Variants in PDE1C observed in about 807,000 individuals in gnomAD.
PDE1C encodes phosphodiesterase 1C, also known as dual specificity calcium/calmodulin-dependent 3',5'-cyclic nucleotide phosphodiesterase 1C.
Under a neutral mutation model 93.1 loss-of-function variants are expected in PDE1C, and 62 were observed. That is an observed-to-expected ratio of 0.67 (90% CI 0.54 to 0.82). The LOEUF (loss-of-function observed/expected upper bound fraction) is 0.82, where lower values mean the gene tolerates loss of function less well. PDE1C is among the 40% of genes least tolerant of loss of function. PDE1C has a pLI of 0.00. For missense variants in PDE1C, 742 were observed against 884.6 expected (o/e 0.84, Z 2.04); for synonymous variants, 325 against 310.1 (o/e 1.05, Z -0.50).
intron 1 of PDE1C, among the ~76,000 whole-genome samples, chr7:32,374,259 G>GAAAGAAAT (rs1784390514): frequency 1.1e-5 from 1 of 94,346 alleles, no homozygotes; most frequent in East Asian, 2.8e-4. Context: ...AGGAAAGGAA[G>GAAAGAAAT]AAAGAAAGAA....
At chr7:31,636,863 T>C in the PDE1C span, among the ~76,000 whole-genome samples, 2 of 145,396 alleles carry the variant, frequency 1.4e-5, no homozygotes, top group African/African-American at 2.5e-5. Context: ...TATCTCCTAA[T>C]GCTATCCCTC....
At chr7:32,177,410 A>G (rs1005143873) in intron 2 of PDE1C, among the ~76,000 whole-genome samples, 1 of 152,156 alleles carries the variant, frequency 6.6e-6, no homozygotes, top group African/African-American at 2.4e-5. Context: ...CCCTATGCGC[A>G]TATGCCAGAC....
Position 32,298,038 on chromosome 7 carries a change from CT to C in PDE1C, c.85+612del, listed in dbSNP as rs1308339150. On this transcript the variant is annotated intron_variant, in intron 1 of 18. Coordinates refer to the PDE1C transcript ENST00000396193. The stretch of plus-strand genomic sequence containing the variant: ...TCTCCCTCTCTCTCTCTCTCTCTCT[CT>C]CTCTCTCTCTCTCTCTCTCTCTCTC... 2.8e-3 allele frequency among the ~76,000 whole-genome samples: 199 copies of C among 70,234 alleles called. 11 individuals carry two copies. The highest frequency in any genetic ancestry group is 6.5e-3 in the South Asian group (9 of 1,382). 46.1% of individuals were successfully genotyped at this position (70,234 alleles called of 152,430 possible).
chr7:32,268,925 A>G (rs1481655096), intron 1 of PDE1C, among the ~76,000 whole-genome samples: 1 of 152,188 alleles, frequency 6.6e-6, no homozygotes, highest in African/African-American at 2.4e-5. Context: ...TATTACCAGA[A>G]TAACTGATAA....
intron 2 of PDE1C, among the ~76,000 whole-genome samples, chr7:32,173,411 C>A (rs185837198): frequency 1.0e-3 from 154 of 151,926 alleles, no homozygotes; most frequent in East Asian, 4.7e-3. Context: ...ATATGTGCAG[C>A]AAACCACCAT....
At chr7:32,122,812 A>C (rs1361616418) in intron 3 of PDE1C, among the ~76,000 whole-genome samples, 1 of 152,340 alleles carries the variant, frequency 6.6e-6, no homozygotes, top group African/African-American at 2.4e-5. Context: ...GAGCTAGAGA[A>C]GCAAGAGCAA....
At chr7:32,147,986 A>AAAAAAAAAAAAAAAAAC (rs1801007534) in intron 3 of PDE1C, among the ~76,000 whole-genome samples, 1 of 99,636 alleles carries the variant, frequency 1.0e-5, no homozygotes, top group African/African-American at 3.4e-5. Context: ...ATTTATGCTA[A>AAAAAAAAAAAAAAAAAC]AAAAAAAAAA....
intron 1 of PDE1C, among the ~76,000 whole-genome samples, chr7:32,219,564 C>T (rs781736786): frequency 1.3e-5 from 2 of 152,170 alleles, no homozygotes; most frequent in Admixed American, 6.5e-5. Flanking sequence ...TGCCAGCAAT[C>T]GCTCCAAAGC....
At chr7:31,720,610 T>C in the PDE1C span, among the ~76,000 whole-genome samples, 3 of 152,126 alleles carry the variant, frequency 2.0e-5, no homozygotes, top group Non-Finnish European at 4.4e-5. Context: ...CGGTCTCCCA[T>C]AGAGCAATGC....
chr7:31,735,847 C>T, the PDE1C span, among the ~76,000 whole-genome samples: 1 of 152,106 alleles, frequency 6.6e-6, no homozygotes, highest in Non-Finnish European at 1.5e-5. Context: ...TGTGGGAGAT[C>T]GGTTTCAGGA....
intron 1 of PDE1C, among the ~76,000 whole-genome samples, chr7:32,382,475 T>C (rs1784553605): frequency 6.6e-6 from 1 of 152,164 alleles, no homozygotes; most frequent in African/African-American, 2.4e-5. Flanking sequence ...GGCTTTTAGT[T>C]GTGCCACAGG....
upstream of PDE1C, among the ~76,000 whole-genome samples, chr7:32,075,894 G>A (rs1174325627): frequency 6.6e-6 from 1 of 152,120 alleles, no homozygotes; most frequent in Admixed American, 6.5e-5. Context: ...ACTTGGAGTG[G>A]TACTGCCTCA....
chr7:31,754,489 G>A (rs538587464), intron 17 of PDE1C, among the ~76,000 whole-genome samples: 1 of 152,260 alleles, frequency 6.6e-6, no homozygotes, highest in South Asian at 2.1e-4. Flanking sequence ...CAACTAAGAT[G>A]TCCTTCAATA....
At chr7:31,695,587 T>C in the PDE1C span, 1 of 1,613,894 alleles carries the variant, frequency 6.2e-7, no homozygotes, top group Non-Finnish European at 8.5e-7. Context: ...GGAGGAAAGA[T>C]ACACCGGCGC....
intron 1 of PDE1C, among the ~76,000 whole-genome samples, chr7:32,322,600 T>C (rs547110153): frequency 4.2e-5 from 6 of 144,456 alleles, no homozygotes; most frequent in Middle Eastern, 3.5e-3. Context: ...CAAGATCCCA[T>C]CTCTATTTTT....
chr7:31,803,745 G>A (rs1052641450), intron 16 of PDE1C, among the ~76,000 whole-genome samples: 5 of 151,990 alleles, frequency 3.3e-5, no homozygotes, highest in Admixed American at 6.6e-5. Context: ...TTTTATGGCT[G>A]CATAGTATTC....
At chr7:32,205,907 TA>T (rs1266574276) in intron 2 of PDE1C, among the ~76,000 whole-genome samples, 1 of 152,048 alleles carries the variant, frequency 6.6e-6, no homozygotes. Flanking sequence ...CTGAAAATCT[TA>T]AGGAACAAAC....
At chr7:31,892,410 T>G (rs1798755407) in intron 2 of PDE1C, among the ~76,000 whole-genome samples, 1 of 152,040 alleles carries the variant, frequency 6.6e-6, no homozygotes, top group South Asian at 2.1e-4. Flanking sequence ...ACTAAAACGG[T>G]GAGAGAAAAA....
At chr7:32,089,641 G>T (rs1319081198) in intron 3 of PDE1C, among the ~76,000 whole-genome samples, 3 of 152,134 alleles carry the variant, frequency 2.0e-5, no homozygotes, top group African/African-American at 7.2e-5. Context: ...TCATTTGAGG[G>T]TCTGCACGGC....
Sources: allele counts gnomAD v4.1 joint callset (sites outside exome capture counted in the v4.1 genomes callset), GRCh38; gene constraint gnomAD v4.1.1; transcripts MANE v1.5; gene names NCBI Gene and HGNC (gene_info 2026-07-23, HGNC 2026-07-21).